The following ATP8A2 variants were observed in gnomAD, a reference collection of about 807,000 sequenced individuals.
The protein encoded by ATP8A2 is phospholipid-transporting ATPase IB.
Under a neutral mutation model 165.6 loss-of-function variants are expected in ATP8A2, and 100 were observed. The observed-to-expected ratio is 0.60, with a 90% CI of 0.51 to 0.71. ATP8A2 has a LOEUF of 0.71. ATP8A2 is among the 30% of genes least tolerant of loss of function. ATP8A2 has a pLI of 0.00. For missense variants in ATP8A2, 1,227 were observed against 1,479.5 expected (o/e 0.83, Z 2.80); for synonymous variants, 543 against 548.8 (o/e 0.99, Z 0.15).
chr13:25,532,552 A>G (rs1450985828), intron 5 of ATP8A2, among the ~76,000 whole-genome samples: 2 of 152,258 alleles, frequency 1.3e-5, no homozygotes, highest in Non-Finnish European at 1.5e-5. Flanking sequence ...TTCAGGAACT[A>G]GACAGTTTTT....
chr13:25,671,693 C>A (rs1010700538), intron 24 of ATP8A2, among the ~76,000 whole-genome samples: 56 of 151,798 alleles, frequency 3.7e-4, no homozygotes, highest in African/African-American at 1.3e-3. Context: ...GATCTCAAAA[C>A]CCTGTCTCCT....
At chr13:25,567,728 C>G (rs778793941) in intron 16 of ATP8A2, among the ~76,000 whole-genome samples, 67 of 152,294 alleles carry the variant, frequency 4.4e-4, no homozygotes, top group Non-Finnish European at 7.8e-4. Flanking sequence ...TTCTGAGGTA[C>G]TCTTCATCTT....
intron 25 of ATP8A2, among the ~76,000 whole-genome samples, chr13:25,705,631 A>T (rs917459902): frequency 1.3e-5 from 2 of 152,244 alleles, no homozygotes; most frequent in African/African-American, 4.8e-5. Context: ...TGAATGTTTA[A>T]AAAGACTTCT....
chr13:26,007,477 G>A (rs193237523), intron 35 of ATP8A2, among the ~76,000 whole-genome samples: 23 of 152,282 alleles, frequency 1.5e-4, no homozygotes, highest in Middle Eastern at 3.4e-3. Context: ...AGGATAGCAA[G>A]ACTCTGCAAA....
intron 25 of ATP8A2, among the ~76,000 whole-genome samples, chr13:25,741,835 T>A (rs1252580613): frequency 1.3e-5 from 2 of 152,220 alleles, no homozygotes; most frequent in Non-Finnish European, 2.9e-5. Context: ...CCCTTTTAGA[T>A]GCATGAGCTT....
intron 24 of ATP8A2, among the ~76,000 whole-genome samples, chr13:25,606,146 T>A (rs568174168): frequency 1.3e-5 from 2 of 152,318 alleles, no homozygotes; most frequent in South Asian, 2.1e-4. Flanking sequence ...GCATTTAATA[T>A]GTTCTAAATT....
intron 35 of ATP8A2, among the ~76,000 whole-genome samples, chr13:25,980,985 T>G (rs546565376): frequency 6.6e-6 from 1 of 152,372 alleles, no homozygotes; most frequent in African/African-American, 2.4e-5. Flanking sequence ...TTAAGACATT[T>G]ATTGTTCTAA....
intron 1 of ATP8A2, among the ~76,000 whole-genome samples, chr13:25,384,636 TA>T (rs1470849423): frequency 2.0e-5 from 3 of 151,986 alleles, no homozygotes; most frequent in African/African-American, 4.9e-5. Flanking sequence ...TTTCAACAAT[TA>T]TTTTTTTTCT....
intron 25 of ATP8A2, among the ~76,000 whole-genome samples, chr13:25,737,724 C>T (rs1004219183): frequency 6.6e-6 from 1 of 152,090 alleles, no homozygotes; most frequent in Non-Finnish European, 1.5e-5. Flanking sequence ...ACTCTGTCGC[C>T]CAGGCTGGAG....
intron 2 of ATP8A2, among the ~76,000 whole-genome samples, chr13:25,473,198 A>T (rs892022720): frequency 5.9e-5 from 9 of 152,326 alleles, no homozygotes; most frequent in African/African-American, 2.2e-4. Flanking sequence ...ATGTATATAG[A>T]TGTCTCACCA....
chr13:25,829,666 T>TGG (rs1951405038), intron 28 of ATP8A2, among the ~76,000 whole-genome samples: 2 of 62,398 alleles, frequency 3.2e-5, no homozygotes, highest in Admixed American at 2.0e-4. Context: ...AGGACAGGTG[T>TGG]GGTATATATA....
chr13:25,900,202 A>G (rs533682181), intron 33 of ATP8A2, among the ~76,000 whole-genome samples: 1 of 152,338 alleles, frequency 6.6e-6, no homozygotes, highest in South Asian at 2.1e-4. Flanking sequence ...TTAATGAGCT[A>G]TAGGAGGAGT....
At position 25,641,427 on chromosome 13, in the gene ATP8A2, G is replaced by A. The variant is rs558896320; in HGVS notation, c.2211+51728G>A. On this transcript the variant is annotated intron_variant, in intron 24 of 36. Transcript: ENST00000381655. ...CAAAGTCTCAGGATACAAAATCAAT[G>A]TGCAAAAATCACAAGCATTCCTATA... Among the ~76,000 whole-genome samples the A allele has an allele frequency of 3.3e-5, 5 of 152,274 alleles. No individual in the cohort carries two copies. The East Asian group carries it at 7.7e-4, about 24-fold the overall frequency.
intron 2 of ATP8A2, among the ~76,000 whole-genome samples, chr13:25,480,286 G>A (rs1227485126): frequency 4.6e-5 from 7 of 150,982 alleles, no homozygotes; most frequent in Non-Finnish European, 8.9e-5. Flanking sequence ...GCGGCTGGCC[G>A]GGCGGGGGGC....
At chr13:25,929,092 C>T (rs923140721) in intron 33 of ATP8A2, among the ~76,000 whole-genome samples, 1 of 152,170 alleles carries the variant, frequency 6.6e-6, no homozygotes, top group Non-Finnish European at 1.5e-5. Flanking sequence ...GGCTGACTCA[C>T]AAGCCGCTAA....
chr13:25,511,789 A>C (rs1055643861), intron 2 of ATP8A2, among the ~76,000 whole-genome samples: 1 of 151,880 alleles, frequency 6.6e-6, no homozygotes, highest in African/African-American at 2.4e-5. Context: ...TGTTGTGGGT[A>C]CTTCGTGTAC....
chr13:25,608,642 TCTC>T (rs1392893304), intron 24 of ATP8A2, among the ~76,000 whole-genome samples: 1 of 152,180 alleles, frequency 6.6e-6, no homozygotes, highest in African/African-American at 2.4e-5. Flanking sequence ...CCTATTCAAT[TCTC>T]CTGTTGTAAT....
chr13:25,690,942 T>C (rs1253434476), intron 24 of ATP8A2, among the ~76,000 whole-genome samples: 1 of 152,118 alleles, frequency 6.6e-6, no homozygotes, highest in African/African-American at 2.4e-5. Context: ...GTGGAAACAA[T>C]CCAAATGTCC....
chr13:25,712,099 ATAGTG>A (rs371378541), intron 25 of ATP8A2, among the ~76,000 whole-genome samples: 36 of 152,310 alleles, frequency 2.4e-4, no homozygotes, highest in African/African-American at 8.7e-4. Flanking sequence ...GTTAGTCACC[ATAGTG>A]TACAGGGCTA....
Sources: gnomAD v4.1 joint callset for allele counts (sites outside exome capture counted in the v4.1 genomes callset) on GRCh38, gnomAD v4.1.1 for gene constraint, MANE v1.5 for transcripts, NCBI Gene and HGNC (gene_info 2026-07-23, HGNC 2026-07-21) for gene names.